BBS9: variants seen among roughly 807,000 people sequenced by gnomAD.
BBS9 encodes the protein protein PTHB1.
Under a neutral mutation model 117.7 loss-of-function variants are expected in BBS9, and 89 were observed. That is an observed-to-expected ratio of 0.76 (90% CI 0.64 to 0.90). The LOEUF is 0.90. BBS9 is among the 40% of genes least tolerant of loss of function. The probability of loss-of-function intolerance (pLI) is 0.00; values close to 1 mark genes in which losing one functional copy is unlikely to be tolerated. For synonymous variants in BBS9, 379 were observed against 370.9 expected, an observed-to-expected ratio of 1.02 and a Z score of -0.25; for missense variants, 982 against 1,042.2, an observed-to-expected ratio of 0.94 and a Z score of 0.80.
intron 20 of BBS9, among the ~76,000 whole-genome samples, chr7:33,520,335 G>T (rs1396608929): frequency 6.6e-6 from 1 of 152,104 alleles, no homozygotes; most frequent in Non-Finnish European, 1.5e-5. Context: ...TACTTCTGTT[G>T]CTGTTGCTGC....
At chr7:33,580,042 G>A (rs55838407) in intron 21 of BBS9, among the ~76,000 whole-genome samples, 2,857 of 152,050 alleles carry the variant, frequency 0.019, 90 homozygotes, top group African/African-American at 0.065. Flanking sequence ...GACCACTTTT[G>A]TATGCCTGGC....
At chr7:33,223,268 A>T (rs1339296756) in intron 5 of BBS9, among the ~76,000 whole-genome samples, 1 of 152,168 alleles carries the variant, frequency 6.6e-6, no homozygotes, top group Non-Finnish European at 1.5e-5. Flanking sequence ...GCTAATTAAC[A>T]TATCTATCAT....
At chr7:33,320,087 T>C (rs539082329) in intron 9 of BBS9, among the ~76,000 whole-genome samples, 4 of 152,316 alleles carry the variant, frequency 2.6e-5, no homozygotes, top group African/African-American at 7.2e-5. Context: ...CAAGTACTTA[T>C]CCCTTCTTTG....
chr7:33,378,770 A>G (rs1824391557), intron 17 of BBS9, among the ~76,000 whole-genome samples: 1 of 152,132 alleles, frequency 6.6e-6, no homozygotes, highest in Admixed American at 6.5e-5. Flanking sequence ...CATACAACAC[A>G]CATGCCCAGT....
At chr7:33,487,480 A>G (rs1013629265) in intron 19 of BBS9, among the ~76,000 whole-genome samples, 2 of 152,232 alleles carry the variant, frequency 1.3e-5, no homozygotes, top group African/African-American at 4.8e-5. Flanking sequence ...TCTGTGAGGC[A>G]AGTTAATATT....
At chr7:33,551,233 G>T (rs1014435513) in intron 21 of BBS9, among the ~76,000 whole-genome samples, 1 of 152,202 alleles carries the variant, frequency 6.6e-6, no homozygotes, top group Admixed American at 6.5e-5. Context: ...CCAGGCCCCA[G>T]TTGACTGCCG....
rs547127040 is a variant in BBS9 at position 33,467,426 on chromosome 7, T to A, written c.2116-38037T>A. ...CTAGACAAGATTTAACTTTAATTCA[T>A]TTGTGATTTCCTATTCCTAGTTTAC... On this transcript the variant is annotated intron_variant, in intron 19 of 22. Coordinates refer to ENST00000242067, the MANE Select transcript of BBS9 (RefSeq NM_198428.3). Among the ~76,000 whole-genome samples the A allele has an allele frequency of 5.9e-5, 9 of 152,286 alleles. No homozygotes were observed. In the East Asian group the frequency reaches 9.6e-4, roughly 16 times the overall value.
At chr7:33,251,297 C>G (rs1042291907) in intron 5 of BBS9, among the ~76,000 whole-genome samples, 4 of 152,192 alleles carry the variant, frequency 2.6e-5, no homozygotes, top group African/African-American at 7.2e-5. Context: ...GTAACTTTTC[C>G]TCTAGTTCCA....
intron 21 of BBS9, chr7:33,534,392 T>G (rs1322906544): frequency 5.0e-6 from 3 of 598,680 alleles, no homozygotes; most frequent in Non-Finnish European, 8.9e-6. Context: ...GTATGTCTTT[T>G]TTCTTCTCTC....
At position 33,388,039 on chromosome 7, in the gene BBS9, T is replaced by C. The variant is rs1826344098; in HGVS notation, c.2010T>C (p.Ala670=). Residue 670 remains alanine (A), a synonymous_variant, in exon 19 of 23, where the codon GCT becomes GCC. Transcript: ENST00000242067. ...TAGAAGAACTCTTATCTGAGAGAGC[T>C]GTACAATTTCGGGCCATTCAACGCC... ...EKLEELLSER[A]VQFRAIQRRL... is the part of the protein sequence containing the mutation. 1 of 1,614,028 alleles carries C rather than the reference T, an allele frequency of 6.2e-7. No homozygotes were observed. Among genetic ancestry groups the C allele is most frequent in the Non-Finnish European group, 8.5e-7 (1 of 1,180,012 alleles).
At chr7:33,168,366 A>G (rs1796013268) in intron 4 of BBS9, among the ~76,000 whole-genome samples, 5 of 152,212 alleles carry the variant, frequency 3.3e-5, no homozygotes, top group Admixed American at 2.6e-4. Context: ...GTACTCTTTG[A>G]TAGAGGAGAC....
chr7:33,146,468 G>A (rs1417277028), intron 2 of BBS9, 104 bp downstream of exon 2: 5 of 907,072 alleles, frequency 5.5e-6, no homozygotes, highest in East Asian at 5.1e-5. Context: ...TTGGGAGGCC[G>A]ACGTGGGCAG....
At chr7:33,174,261 G>A (rs1486595970) in intron 4 of BBS9, among the ~76,000 whole-genome samples, 1 of 152,200 alleles carries the variant, frequency 6.6e-6, no homozygotes, top group Non-Finnish European at 1.5e-5. Flanking sequence ...GGACACAATA[G>A]GCCTAGTGGG....
intron 19 of BBS9, among the ~76,000 whole-genome samples, chr7:33,393,372 ATG>A (rs1282669655): frequency 6.6e-6 from 1 of 152,134 alleles, no homozygotes; most frequent in Non-Finnish European, 1.5e-5. Flanking sequence ...CTTCATGGGC[ATG>A]TCACCTGCAC....
At chr7:33,409,656 C>T (rs1830747626) in intron 19 of BBS9, among the ~76,000 whole-genome samples, 1 of 152,136 alleles carries the variant, frequency 6.6e-6, no homozygotes, top group South Asian at 2.1e-4. Flanking sequence ...TCTTTACATC[C>T]TTACATCACT....
At chr7:33,438,848 A>G (rs758780) in intron 19 of BBS9, among the ~76,000 whole-genome samples, 95,687 of 152,096 alleles carry the variant, frequency 0.63, 30,785 homozygotes, top group African/African-American at 0.76. Flanking sequence ...GAATGTTCTC[A>G]TATGCTGCTA....
intron 5 of BBS9, among the ~76,000 whole-genome samples, chr7:33,220,823 T>G (rs1250508551): frequency 6.6e-6 from 1 of 152,236 alleles, no homozygotes; most frequent in Non-Finnish European, 1.5e-5. Context: ...AATGAAACAC[T>G]CTGAGCCCAC....
intron 5 of BBS9, among the ~76,000 whole-genome samples, chr7:33,252,734 A>C (rs1796408999): frequency 6.6e-6 from 1 of 152,106 alleles, no homozygotes; most frequent in East Asian, 1.9e-4. Flanking sequence ...ACAGATATCA[A>C]GAGTATTATT....
At chr7:33,449,497 G>A (rs1837474612) in intron 19 of BBS9, among the ~76,000 whole-genome samples, 1 of 152,120 alleles carries the variant, frequency 6.6e-6, no homozygotes, top group Non-Finnish European at 1.5e-5. Flanking sequence ...GAGAGGCTTG[G>A]GGGCTGGGTG....
Sources: allele counts gnomAD v4.1 joint callset (sites outside exome capture counted in the v4.1 genomes callset), GRCh38; gene constraint gnomAD v4.1.1; transcripts MANE v1.5; gene names NCBI Gene and HGNC (gene_info 2026-07-23, HGNC 2026-07-21).